SLC36A1: variants seen among roughly 807,000 people sequenced by gnomAD.
The protein encoded by SLC36A1 is solute carrier family 36 member 1.
Under a neutral mutation model 47.5 loss-of-function variants are expected in SLC36A1, and 30 were observed. The observed-to-expected ratio is 0.63, with a 90% confidence interval of 0.47 to 0.86. SLC36A1 has a LOEUF of 0.86. Among genes scored for constraint, SLC36A1 ranks in the 40% least tolerant of loss-of-function variants. The probability of loss-of-function intolerance (pLI) is 0.00; values close to 1 mark genes in which losing one functional copy is unlikely to be tolerated. For missense variants in SLC36A1, 517 were observed against 606.0 expected (o/e 0.85, Z 1.54); for synonymous variants, 255 against 249.7 (o/e 1.02, Z -0.20).
chr5:151,378,768 A>C, the SLC36A1 span: 1 of 152,868 alleles, frequency 6.5e-6, no homozygotes, highest in Admixed American at 6.5e-5. Context: ...GAGTTGAGGA[A>C]AAGGAGGTTG....
the SLC36A1 span, chr5:151,554,224 G>A: frequency 4.4e-5 from 35 of 792,036 alleles, no homozygotes; most frequent in Admixed American, 5.9e-5. Context: ...GAGACTCCCA[G>A]TTTCTCTGGG....
chr5:151,549,572 G>A, the SLC36A1 span: 14 of 1,395,486 alleles, frequency 1.0e-5, no homozygotes, highest in Non-Finnish European at 1.4e-5. Flanking sequence ...GTTAGGGTAA[G>A]GTTAATGAAC....
chr5:151,379,596 T>C, the SLC36A1 span, among the ~76,000 whole-genome samples: 1 of 152,152 alleles, frequency 6.6e-6, no homozygotes, highest in African/African-American at 2.4e-5. Flanking sequence ...CCTCCCAAAG[T>C]GCTGGGATTA....
At chr5:151,468,264 A>ATATATAT (rs1335556137) in intron 7 of SLC36A1, among the ~76,000 whole-genome samples, 1 of 78,702 alleles carries the variant, frequency 1.3e-5, no homozygotes, top group African/African-American at 8.1e-5. Flanking sequence ...AAAAAAAAAA[A>ATATATAT]AAATATATAT....
the SLC36A1 span, chr5:151,504,972 A>T: frequency 6.5e-6 from 1 of 153,394 alleles, no homozygotes; most frequent in South Asian, 2.1e-4. Context: ...GGTGCAAAGC[A>T]CAGTGCCTGA....
chr5:151,344,812 A>G, the SLC36A1 span, among the ~76,000 whole-genome samples: 13 of 152,320 alleles, frequency 8.5e-5, no homozygotes, highest in South Asian at 2.1e-4. Flanking sequence ...TCAATGTCAT[A>G]AAACTAGTAG....
intron 1 of SLC36A1, among the ~76,000 whole-genome samples, chr5:151,442,339 G>T (rs979029888): frequency 6.6e-6 from 1 of 151,946 alleles, no homozygotes; most frequent in Admixed American, 6.6e-5. Context: ...CATTTCACAG[G>T]AATTTTAAAT....
the SLC36A1 span, among the ~76,000 whole-genome samples, chr5:151,391,798 G>A: frequency 6.6e-6 from 1 of 152,146 alleles, no homozygotes; most frequent in Admixed American, 6.5e-5. Context: ...GCTGGATTCA[G>A]TTTGCCAGTA....
chr5:151,527,260 G>A, the SLC36A1 span: 6 of 1,612,546 alleles, frequency 3.7e-6, no homozygotes, highest in Non-Finnish European at 5.1e-6. Flanking sequence ...TAGTTGAGCT[G>A]GAAGAATCTC....
In SLC36A1 at chr5:151,490,379, C is replaced by G. The variant is rs1009198899; in HGVS notation, c.*2125C>G. ...TTCCCAGCGGTGCTAAGAGTGGTCT[C>G]AGTGAGAAGGTAGATGCCAACTGGA... On this transcript the variant is annotated 3_prime_UTR_variant, in exon 11 of 11. Transcript: ENST00000243389. The G allele has an allele frequency of 6.6e-6, 1 of 152,354 alleles. No individual in the cohort carries two copies. Among genetic ancestry groups the G allele is most frequent in the South Asian group, 2.1e-4 (1 of 4,828 alleles). 9.4% of individuals were successfully genotyped at this position (152,354 alleles called of 1,614,324 possible).
the SLC36A1 span, among the ~76,000 whole-genome samples, chr5:151,421,981 C>T: frequency 2.0e-5 from 3 of 152,126 alleles, no homozygotes; most frequent in East Asian, 5.8e-4. Flanking sequence ...ATGGAAACTG[C>T]AGGAAAAAAA....
the SLC36A1 span, chr5:151,521,564 C>T: frequency 1.2e-5 from 20 of 1,614,132 alleles, no homozygotes; most frequent in East Asian, 2.9e-4. Context: ...ACACCAGCCA[C>T]GGCCTCTGCA....
chr5:151,350,100 A>G, the SLC36A1 span, among the ~76,000 whole-genome samples: 2 of 151,058 alleles, frequency 1.3e-5, no homozygotes, highest in South Asian at 2.1e-4. Context: ...CTGGATGAAA[A>G]TTCATCACCC....
At chr5:151,351,399 T>C in the SLC36A1 span, among the ~76,000 whole-genome samples, 3 of 151,660 alleles carry the variant, frequency 2.0e-5, no homozygotes, top group Admixed American at 2.0e-4. Context: ...AAAAAAAAGC[T>C]ATTCCTGAGA....
chr5:151,505,374 A>G, the SLC36A1 span: 1 of 669,212 alleles, frequency 1.5e-6, no homozygotes, highest in Non-Finnish European at 2.5e-6. Context: ...CTGGAGCTCT[A>G]TCCTCAGCTT....
At chr5:151,486,012 G>GTGT (rs1759469755) in intron 10 of SLC36A1, among the ~76,000 whole-genome samples, 1 of 152,332 alleles carries the variant, frequency 6.6e-6, no homozygotes, top group Admixed American at 6.5e-5. Flanking sequence ...TTTCCCTGGT[G>GTGT]TGTTAGTCCA....
At chr5:151,382,074 A>T in the SLC36A1 span, 1 of 749,160 alleles carries the variant, frequency 1.3e-6, no homozygotes, top group Non-Finnish European at 2.3e-6. Flanking sequence ...CACTGATGTA[A>T]CCCCCAAAGA....
intron 10 of SLC36A1, among the ~76,000 whole-genome samples, chr5:151,481,170 T>C (rs771143216): frequency 4.6e-5 from 7 of 152,264 alleles, no homozygotes; most frequent in African/African-American, 7.2e-5. Flanking sequence ...CCTGGCCCTG[T>C]CTGTGAGTCT....
chr5:151,356,193 G>T, the SLC36A1 span, among the ~76,000 whole-genome samples: 1 of 151,514 alleles, frequency 6.6e-6, no homozygotes, highest in East Asian at 1.9e-4. Context: ...ACAAAAACTG[G>T]CTGGGCATGG....
Sources: gnomAD v4.1 joint callset for allele counts (sites outside exome capture counted in the v4.1 genomes callset) on GRCh38, gnomAD v4.1.1 for gene constraint, MANE v1.5 for transcripts, NCBI Gene and HGNC (gene_info 2026-07-23, HGNC 2026-07-21) for gene names.